The following KANK1 variants were observed in gnomAD, a reference collection of about 807,000 sequenced individuals.
KANK1 encodes the protein KN motif and ankyrin repeat domains 1.
A neutral mutation model predicts 106.2 loss-of-function variants in KANK1; 109 were observed. That is an observed-to-expected ratio of 1.03 (90% CI 0.88 to 1.20). The LOEUF (loss-of-function observed/expected upper bound fraction) is 1.20. Among genes scored for constraint, KANK1 ranks in the 50% most tolerant of loss-of-function variants. The pLI, the probability that KANK1 is intolerant of heterozygous loss-of-function variation, is 0.00. For synonymous variants in KANK1, 873 were observed against 652.2 expected, an observed-to-expected ratio of 1.34 and a Z score of -5.16; for missense variants, 2,399 against 1,710.7, an observed-to-expected ratio of 1.40 and a Z score of -7.10.
chr9:676,258 G>A (rs1409070125), intron 1 of KANK1, among the ~76,000 whole-genome samples: 3 of 152,146 alleles, frequency 2.0e-5, no homozygotes, highest in Non-Finnish European at 4.4e-5. Flanking sequence ...CCCTACTCAA[G>A]ATGGAGTTGC....
upstream of KANK1, among the ~76,000 whole-genome samples, chr9:504,055 C>T (rs565614087): frequency 5.3e-5 from 8 of 152,270 alleles, no homozygotes; most frequent in Admixed American, 1.3e-4. Context: ...GGCGACCGTG[C>T]TGACGAGGCA....
At chr9:732,311 A>C in intron 5 of KANK1, 67 bp from the exon 6 acceptor site, 3 of 1,535,016 alleles carry the variant, frequency 2.0e-6, no homozygotes, top group South Asian at 1.3e-5. Context: ...ATCCCTTCAT[A>C]GAAATTTCTA....
intron 2 of KANK1, chr9:693,936 T>C (rs1395071439): frequency 1.6e-6 from 1 of 609,592 alleles, no homozygotes; most frequent in Non-Finnish European, 2.1e-6. Context: ...TGATTTTTGG[T>C]CCAGTGAAAA....
intron 8 of KANK1, among the ~76,000 whole-genome samples, chr9:739,303 G>C (rs1281839371): frequency 6.6e-6 from 1 of 152,182 alleles, no homozygotes; most frequent in Non-Finnish European, 1.5e-5. Context: ...GAGTATCTCA[G>C]TCTGATTAAT....
chr9:680,323 C>T (rs10975792), intron 2 of KANK1, among the ~76,000 whole-genome samples: 11,274 of 152,176 alleles, frequency 0.074, 486 homozygotes, highest in Non-Finnish European at 0.093. Context: ...TTGACATCCC[C>T]ATGTAACATT....
chr9:549,453 C>T (rs1220801775), intron 1 of KANK1: 1 of 152,238 alleles, frequency 6.6e-6, no homozygotes, highest in Non-Finnish European at 1.5e-5. Context: ...TAGATGAAAG[C>T]TCCACAGTGC....
intron 2 of KANK1, among the ~76,000 whole-genome samples, chr9:703,699 A>G (rs552684228): frequency 5.4e-5 from 8 of 148,608 alleles, no homozygotes; most frequent in African/African-American, 2.0e-4. Flanking sequence ...ACCCAGGTAG[A>G]TTTTTTTTTT....
At chr9:533,053 G>C (rs950390754) in intron 1 of KANK1, among the ~76,000 whole-genome samples, 3 of 152,256 alleles carry the variant, frequency 2.0e-5, no homozygotes, top group Non-Finnish European at 2.9e-5. Context: ...GAAGAGGAAA[G>C]CACTTTTGAA....
At position 520,541 on chromosome 9, in the gene KANK1, C is replaced by T. The variant is rs149621288; in HGVS notation, c.-84+15787C>T. On this transcript the variant is annotated intron_variant, in intron 1 of 11. Coordinates refer to ENST00000382297, the MANE Select transcript of KANK1 (RefSeq NM_015158.5). ...ACGTGACAATGGGGGATATAATCCTCTTTCAGGGAGGTTAGCGAATAATTG... is the reference window on the plus strand; with the variant it reads ...ACGTGACAATGGGGGATATAATCCTTTTTCAGGGAGGTTAGCGAATAATTG... 1.3e-3 allele frequency among the ~76,000 whole-genome samples: 203 copies of T among 151,716 alleles called. 6 individuals carry two copies. The highest frequency in any genetic ancestry group is 4.6e-3 in the African/African-American group (190 of 41,062).
chr9:723,897 A>G (rs950103051), intron 3 of KANK1, among the ~76,000 whole-genome samples: 1 of 150,932 alleles, frequency 6.6e-6, no homozygotes, highest in Non-Finnish European at 1.5e-5. Flanking sequence ...GTTCGAGACT[A>G]GCCTGGGCAA....
In KANK1 at chr9:548,298, A is replaced by T. The variant is rs2061056792; in HGVS notation, c.-84+43544A>T. Among the ~76,000 whole-genome samples, 2 of 152,228 alleles carry T rather than the reference A, an allele frequency of 1.3e-5. 1 individual carries two copies. Among genetic ancestry groups the T allele is most frequent in the South Asian group, 4.1e-4 (2 of 4,834 alleles). On this transcript the variant is annotated intron_variant, in intron 1 of 11. Coordinates refer to ENST00000382297, the MANE Select transcript of KANK1 (RefSeq NM_015158.5). ...CACTTCAAAAGATCCGCCAGGGAAG[A>T]GTCCCAGCTTTTTCTTGGTGTTATT... is the stretch of plus-strand genomic sequence containing the variant.
intron 3 of KANK1, chr9:487,902 C>A (rs537902379): frequency 6.6e-6 from 1 of 152,214 alleles, no homozygotes; most frequent in African/African-American, 2.4e-5. Flanking sequence ...CTTCAGCGGC[C>A]CTTTCCAGTT....
chr9:602,065 T>C (rs1232745000), intron 1 of KANK1, among the ~76,000 whole-genome samples: 2 of 151,898 alleles, frequency 1.3e-5, no homozygotes, highest in African/African-American at 2.4e-5. Flanking sequence ...GATCACTTAA[T>C]GTTGAGTTGT....
intron 1 of KANK1, among the ~76,000 whole-genome samples, chr9:641,978 C>T (rs1052476781): frequency 2.0e-5 from 3 of 152,086 alleles, no homozygotes; most frequent in Admixed American, 6.6e-5. Flanking sequence ...AATCAAAAGC[C>T]GATTTCCTCC....
chr9:663,968 T>A (rs955828661), intron 1 of KANK1, among the ~76,000 whole-genome samples: 3 of 152,112 alleles, frequency 2.0e-5, no homozygotes, highest in Non-Finnish European at 4.4e-5. Context: ...GGTCGTATGG[T>A]TTGGCTGTAT....
chr9:736,360 T>C (rs1391892276), intron 7 of KANK1, among the ~76,000 whole-genome samples: 1 of 152,148 alleles, frequency 6.6e-6, no homozygotes, highest in African/African-American at 2.4e-5. Flanking sequence ...AGTGGTTGAA[T>C]CTATGGAAAT....
chr9:702,783 C>T (rs1298251607), intron 2 of KANK1, among the ~76,000 whole-genome samples: 1 of 152,232 alleles, frequency 6.6e-6, no homozygotes, highest in East Asian at 1.9e-4. Flanking sequence ...TTGGTGGCCT[C>T]TCCTGTACTC....
chr9:740,554 C>T (rs144796761), intron 8 of KANK1, among the ~76,000 whole-genome samples: 342 of 152,320 alleles, frequency 2.2e-3, no homozygotes, highest in African/African-American at 7.6e-3. Context: ...AAACAAGATA[C>T]GCTGTGGAAG....
At chr9:619,312 A>C (rs1446440308) in intron 1 of KANK1, among the ~76,000 whole-genome samples, 4 of 152,324 alleles carry the variant, frequency 2.6e-5, no homozygotes, top group Admixed American at 1.3e-4. Flanking sequence ...TAGTTTATCT[A>C]GTTGGGTAGA....
Sources: gnomAD v4.1 joint callset for allele counts (sites outside exome capture counted in the v4.1 genomes callset) on GRCh38, gnomAD v4.1.1 for gene constraint, MANE v1.5 for transcripts, NCBI Gene and HGNC (gene_info 2026-07-23, HGNC 2026-07-21) for gene names.